SEMA3A: variants seen among roughly 807,000 people sequenced by gnomAD.
The protein encoded by SEMA3A is semaphorin-3A.
In SEMA3A, 29 loss-of-function variants were observed where a neutral mutation model predicts 97.9. The ratio of observed to expected loss-of-function variants is 0.30; its 90% CI spans 0.22 to 0.40. The LOEUF (loss-of-function observed/expected upper bound fraction) is 0.40, where lower values mean the gene tolerates loss of function less well. Ranked by LOEUF, SEMA3A falls within the 10% of genes least tolerant of loss-of-function variation. SEMA3A has a pLI of 1.00. For missense variants in SEMA3A, 763 were observed against 951.3 expected, an observed-to-expected ratio of 0.80 and a Z score of 2.60; for synonymous variants, 321 against 323.7, an observed-to-expected ratio of 0.99 and a Z score of 0.09.
intron 1 of SEMA3A, among the ~76,000 whole-genome samples, chr7:84,453,895 AAAGT>A (rs1388736916): frequency 3.9e-5 from 6 of 152,204 alleles, no homozygotes; most frequent in African/African-American, 1.2e-4. Flanking sequence ...TCTAGAAAAG[AAAGT>A]AATACCTAAA....
chr7:84,072,901 G>A (rs531124789), intron 4 of SEMA3A, among the ~76,000 whole-genome samples: 1 of 152,136 alleles, frequency 6.6e-6, no homozygotes, highest in Admixed American at 6.5e-5. Flanking sequence ...CTTTGCAGAC[G>A]AGAAAATTGA....
At chr7:84,078,803 T>C (rs1290364650) in intron 4 of SEMA3A, among the ~76,000 whole-genome samples, 1 of 151,970 alleles carries the variant, frequency 6.6e-6, no homozygotes, top group Non-Finnish European at 1.5e-5. Flanking sequence ...TCTGTTTTAT[T>C]TAGAAAAAGA....
intron 1 of SEMA3A, among the ~76,000 whole-genome samples, chr7:84,403,168 G>A (rs1205569838): frequency 6.6e-6 from 1 of 152,108 alleles, no homozygotes; most frequent in Non-Finnish European, 1.5e-5. Context: ...GGTGACAGAT[G>A]GCACCTGGAA....
chr7:84,351,344 A>G (rs928242144), intron 2 of SEMA3A, among the ~76,000 whole-genome samples: 5 of 152,166 alleles, frequency 3.3e-5, no homozygotes, highest in Non-Finnish European at 1.5e-5. Flanking sequence ...AACATTGACA[A>G]CAATTTGTCT....
intron 2 of SEMA3A, among the ~76,000 whole-genome samples, chr7:84,331,364 T>G (rs1801905178): frequency 6.6e-6 from 1 of 152,146 alleles, no homozygotes; most frequent in Non-Finnish European, 1.5e-5. Context: ...GTTTCTGCTT[T>G]TAATCCCAAC....
chr7:84,360,647 C>A (rs182049512), intron 2 of SEMA3A, among the ~76,000 whole-genome samples: 3 of 152,124 alleles, frequency 2.0e-5, no homozygotes, highest in East Asian at 3.9e-4. Context: ...CATGTCAAGA[C>A]GAGTGTAGTA....
intron 2 of SEMA3A, among the ~76,000 whole-genome samples, chr7:84,313,356 G>GTATATATATA (rs869145201): frequency 2.2e-4 from 5 of 23,062 alleles, no homozygotes; most frequent in Non-Finnish European, 4.0e-4. Flanking sequence ...ATGTGTGTGT[G>GTATATATATA]TATATATATA....
At chr7:84,250,919 T>C (rs1050145696) in intron 3 of SEMA3A, among the ~76,000 whole-genome samples, 1 of 152,220 alleles carries the variant, frequency 6.6e-6, no homozygotes, top group Non-Finnish European at 1.5e-5. Flanking sequence ...TTTTGTTTTC[T>C]ATTCAATTTG....
chr7:84,390,590 A>G (rs1327168693), intron 1 of SEMA3A, among the ~76,000 whole-genome samples: 1 of 152,050 alleles, frequency 6.6e-6, no homozygotes, highest in Non-Finnish European at 1.5e-5. Context: ...CAGTCATAAA[A>G]TCATGCGTAA....
chr7:84,312,556 ATTTT>A (rs1801352215), intron 2 of SEMA3A, among the ~76,000 whole-genome samples: 1 of 151,474 alleles, frequency 6.6e-6, no homozygotes, highest in African/African-American at 2.4e-5. Flanking sequence ...ATATATATGT[ATTTT>A]ATAATATATA....
At position 83,956,644 on chromosome 7, in the gene SEMA3A, A is replaced by G. The variant is rs1468366517; in HGVS notation, c.*4727T>C. On this transcript the variant is annotated 3_prime_UTR_variant, in exon 17 of 17. Coordinates refer to ENST00000265362, the MANE Select transcript of SEMA3A (RefSeq NM_006080.3). ...CGAATGTGGGGTACAAACAGAGGGC[A>G]ATAAATCAAAACCCAGGAAAAAGCA... The G allele has an allele frequency of 6.6e-6, 1 of 152,190 alleles. No individual in the cohort carries two copies. The highest frequency in any genetic ancestry group is 1.5e-5 in the Non-Finnish European group (1 of 68,010). The allele number at this position is 152,190 out of a possible 1,614,324, so 9.4% of individuals were successfully genotyped here. A position where few individuals can be genotyped will look rare whatever the true frequency, so the allele number is the denominator to read the frequency against.
chr7:84,394,415 C>T (rs950668490), intron 1 of SEMA3A, among the ~76,000 whole-genome samples: 2 of 152,034 alleles, frequency 1.3e-5, no homozygotes, highest in Non-Finnish European at 2.9e-5. Context: ...ATCAATGAGT[C>T]ATAGCATTCT....
intron 4 of SEMA3A, among the ~76,000 whole-genome samples, chr7:84,110,120 C>T (rs1005023444): frequency 2.6e-5 from 4 of 152,082 alleles, no homozygotes; most frequent in African/African-American, 9.7e-5. Flanking sequence ...GCAGACACTT[C>T]TGGCTGAGGA....
At position 84,369,789 on chromosome 7, in the gene SEMA3A, CAT is replaced by C. The variant is rs1802933012; in HGVS notation, c.-169+2033_-169+2034del. Reference sequence around the variant, plus strand: ...ATATTTATATATATAATAAAAATAACATCACATTGTATTAGTAATTAGTAAAT... The same window carrying C: ...ATATTTATATATATAATAAAAATAACCACATTGTATTAGTAATTAGTAAAT... On this transcript the variant is annotated intron_variant, in intron 2 of 3. Transcript: ENST00000424555. Among the ~76,000 whole-genome samples the C allele has an allele frequency of 3.4e-5, 5 of 148,980 alleles. No individual in the cohort carries two copies. In the South Asian group the frequency reaches 8.4e-4, roughly 25 times the overall value.
At chr7:84,377,158 T>C (rs1803124770) in intron 1 of SEMA3A, among the ~76,000 whole-genome samples, 1 of 152,166 alleles carries the variant, frequency 6.6e-6, no homozygotes, top group African/African-American at 2.4e-5. Context: ...TCAGATCTTA[T>C]ATTTAAGTCT....
At chr7:84,340,693 T>C (rs917371058) in intron 2 of SEMA3A, among the ~76,000 whole-genome samples, 1 of 149,692 alleles carries the variant, frequency 6.7e-6, no homozygotes, top group Non-Finnish European at 1.5e-5. Flanking sequence ...GGCAGGAGAA[T>C]GGCTTGAACC....
At chr7:84,442,069 A>C (rs1805286752) in intron 1 of SEMA3A, among the ~76,000 whole-genome samples, 1 of 152,216 alleles carries the variant, frequency 6.6e-6, no homozygotes, top group Non-Finnish European at 1.5e-5. Context: ...GAGAGATCTC[A>C]GTAAAGATAA....
intron 1 of SEMA3A, among the ~76,000 whole-genome samples, chr7:84,445,488 CA>C (rs1805385939): frequency 3.1e-5 from 1 of 32,696 alleles, no homozygotes; most frequent in Non-Finnish European, 5.4e-5. Context: ...AGTGAGACTC[CA>C]TCTCAAAAAA....
intron 3 of SEMA3A, among the ~76,000 whole-genome samples, chr7:84,127,392 T>G (rs1229155756): frequency 1.3e-5 from 2 of 152,064 alleles, no homozygotes; most frequent in African/African-American, 2.4e-5. Flanking sequence ...TTCCACCCAC[T>G]GACTCCCACT....
Sources: allele counts gnomAD v4.1 joint callset (sites outside exome capture counted in the v4.1 genomes callset), GRCh38; gene constraint gnomAD v4.1.1; transcripts MANE v1.5; gene names NCBI Gene and HGNC (gene_info 2026-07-23, HGNC 2026-07-21).